CHD6: variants seen among roughly 807,000 people sequenced by gnomAD.
CHD6 encodes the protein chromodomain helicase DNA binding protein 6.
In CHD6, 50 loss-of-function variants were observed where a neutral mutation model predicts 276.9. The observed-to-expected ratio is 0.18, with a 90% confidence interval of 0.14 to 0.23. CHD6 has a LOEUF of 0.23. Ranked by LOEUF, CHD6 falls within the 10% of genes least tolerant of loss-of-function variation. The pLI is 1.00. For missense variants in CHD6, 2,564 were observed against 3,365.8 expected (o/e 0.76, Z 5.89); for synonymous variants, 1,173 against 1,229.3 (o/e 0.95, Z 0.96).
At position 41,413,428 on chromosome 20, in the gene CHD6, T is replaced by C; in HGVS notation, c.7027A>G (p.Thr2343Ala). 3.7e-6 allele frequency: 6 copies of C among 1,612,020 alleles called. No individual in the cohort carries two copies. The highest frequency in any genetic ancestry group is 5.1e-6 in the Non-Finnish European group (6 of 1,179,894). ...GPATSAPEPA[T>A]AASSQAEKSI... ...TTCTCGGCTTGGCTGCTGGCTGCCG[T>C]AGCTGGCTCAGGAGCCGAGGTGGCA... The change falls in exon 35 of 37, where the codon ACG becomes GCG. Residue 2343 changes from threonine (T) to alanine (A), a missense_variant. This residue lies in a region of CHD6 where 1,024 missense variants were observed against 1,047.9 expected (regional missense o/e 0.98). Coordinates refer to ENST00000373233, the MANE Select transcript of CHD6 (RefSeq NM_032221.5).
chr20:41,425,188 C>A lies in CHD6; in HGVS notation c.4336G>T (p.Ala1446Ser), dbSNP rs757654310. 1 of 1,614,162 alleles carries A rather than the reference C, an allele frequency of 6.2e-7. No homozygotes were observed. Among genetic ancestry groups the A allele is most frequent in the South Asian group, 1.1e-5 (1 of 91,080 alleles). ...GCCACTGGCTTTTACCTCTTTTGGGCTTCCTTGTTGATGAGGTCCATTTCT... is the reference window on the plus strand; with the variant it reads ...GCCACTGGCTTTTACCTCTTTTGGGATTCCTTGTTGATGAGGTCCATTTCT... ...TSEMDLINKE[A>S]QKRWTRREQA... The change falls in exon 29 of 37, where the codon GCC (alanine) becomes TCC (serine). Residue 1446 changes from alanine to serine, a missense_variant. Physicochemically the swap from Ala to Ser is moderately conservative, Grantham distance 99 (BLOSUM62 1). Around this residue, in one of 7 missense-constraint regions of CHD6, gnomAD observed 515 missense variants for 739.5 expected, o/e 0.70. Coordinates refer to ENST00000373233, the MANE Select transcript of CHD6 (RefSeq NM_032221.5).
At chr20:41,460,884 G>A (rs1052334959) in intron 17 of CHD6, among the ~76,000 whole-genome samples, 6 of 152,172 alleles carry the variant, frequency 3.9e-5, no homozygotes, top group African/African-American at 1.2e-4. Context: ...TTCGCACTGT[G>A]TGCCTGGAGA....
At chr20:41,602,890 C>T (rs969387163) in intron 1 of CHD6, among the ~76,000 whole-genome samples, 2 of 152,038 alleles carry the variant, frequency 1.3e-5, no homozygotes, top group Non-Finnish European at 2.9e-5. Flanking sequence ...AATATGCTGA[C>T]CAGGCTGGTC....
chr20:41,413,168 T>TA (rs1299999387), intron 35 of CHD6, among the ~76,000 whole-genome samples, 156 bp downstream of exon 35: 1 of 152,202 alleles, frequency 6.6e-6, no homozygotes, highest in Non-Finnish European at 1.5e-5. Flanking sequence ...AATTTAAACT[T>TA]AAAAACAAAA....
At chr20:41,560,157 T>C (rs1037504483) in intron 1 of CHD6, among the ~76,000 whole-genome samples, 9 of 152,184 alleles carry the variant, frequency 5.9e-5, no homozygotes, top group African/African-American at 2.2e-4. Context: ...CCCTCATTGC[T>C]ACCAACAGTA....
Position 41,410,361 on chromosome 20 carries a change from G to C in CHD6, c.7251+1783C>G, listed in dbSNP as rs1293123973. ...GATGATGTGGTATGGGGCCTCACCA[G>C]ATACCCAATCTGTCAGTGCCTTGAC... On this transcript the variant is annotated intron_variant, in intron 36 of 36. Coordinates refer to ENST00000373233, the MANE Select transcript of CHD6 (RefSeq NM_032221.5). Among the ~76,000 whole-genome samples, 7 of 152,174 alleles carry C rather than the reference G, an allele frequency of 4.6e-5. No homozygotes were observed. The East Asian group carries it at 9.6e-4, about 21-fold the overall frequency.
At chr20:41,498,989 T>A (rs1307532903) in intron 6 of CHD6, among the ~76,000 whole-genome samples, 1 of 152,104 alleles carries the variant, frequency 6.6e-6, no homozygotes, top group East Asian at 1.9e-4. Flanking sequence ...TTAGGACTTT[T>A]TGTCCATCTC....
intron 7 of CHD6, chr20:41,497,893 T>G: frequency 2.2e-6 from 1 of 448,426 alleles, no homozygotes; most frequent in Non-Finnish European, 4.0e-6. Flanking sequence ...GCCCAAGGAG[T>G]TTTTAAAAAC....
At chr20:41,446,931 G>C (rs2048087885) in intron 24 of CHD6, among the ~76,000 whole-genome samples, 1 of 152,146 alleles carries the variant, frequency 6.6e-6, no homozygotes, top group African/African-American at 2.4e-5. Context: ...CTTCTGCCAG[G>C]TAACACTTGA....
chr20:41,609,062 A>G (rs2045858719), intron 1 of CHD6, among the ~76,000 whole-genome samples: 1 of 152,186 alleles, frequency 6.6e-6, no homozygotes. Flanking sequence ...GAACCTCCAA[A>G]CCTTTTAAGC....
chr20:41,472,798 T>C (rs1165532165), intron 17 of CHD6, among the ~76,000 whole-genome samples: 1 of 152,146 alleles, frequency 6.6e-6, no homozygotes. Context: ...AACCAGAAAA[T>C]AGAATCCATA....
intron 1 of CHD6, among the ~76,000 whole-genome samples, chr20:41,585,859 GATA>G (rs2146246702): frequency 6.6e-6 from 1 of 152,236 alleles, no homozygotes; most frequent in Non-Finnish European, 1.5e-5. Flanking sequence ...ATATAAAAAA[GATA>G]ATGAGAGACA....
chr20:41,532,062 A>G (rs1223867366), intron 3 of CHD6, among the ~76,000 whole-genome samples: 1 of 152,228 alleles, frequency 6.6e-6, no homozygotes, highest in Non-Finnish European at 1.5e-5. Flanking sequence ...TTCTAAATAT[A>G]AAGTTCTCCA....
At chr20:41,537,333 AT>A (rs1252524102) in intron 2 of CHD6, among the ~76,000 whole-genome samples, 3 of 152,232 alleles carry the variant, frequency 2.0e-5, no homozygotes. Context: ...AAAAATACAT[AT>A]TTAAAAACAA....
intron 4 of CHD6, among the ~76,000 whole-genome samples, chr20:41,513,870 T>C (rs1231982642): frequency 6.6e-6 from 1 of 152,198 alleles, no homozygotes; most frequent in Non-Finnish European, 1.5e-5. Flanking sequence ...AAGTTACCTC[T>C]ATGATGTTTT....
chr20:41,561,875 T>C (rs969296335), intron 1 of CHD6, among the ~76,000 whole-genome samples: 4 of 152,230 alleles, frequency 2.6e-5, no homozygotes, highest in Non-Finnish European at 5.9e-5. Context: ...GGAAAGCTTT[T>C]AGAATCATCT....
At chr20:41,487,332 A>C (rs542437270) in intron 14 of CHD6, among the ~76,000 whole-genome samples, 5 of 152,196 alleles carry the variant, frequency 3.3e-5, no homozygotes, top group Non-Finnish European at 7.4e-5. Flanking sequence ...AGCAAAAGAA[A>C]GCACCATGCT....
chr20:41,405,538 T>C, intron 36 of CHD6, 49 bp from the exon 37 acceptor site: 1 of 1,448,652 alleles, frequency 6.9e-7, no homozygotes. Context: ...GGATGGCAGG[T>C]GGTCAGCTGA....
intron 31 of CHD6, 61 bp downstream of exon 31, chr20:41,420,447 C>G (rs117384282): frequency 0.017 from 25,483 of 1,520,924 alleles, 292 homozygotes; most frequent in South Asian, 0.031. Flanking sequence ...CCCTAAAACC[C>G]AACCCCCCGT....
Sources: gnomAD v4.1 joint callset for allele counts (sites outside exome capture counted in the v4.1 genomes callset) on GRCh38, gnomAD v4.1.1 for gene constraint, gnomAD v4.1.1 regional missense constraint, MANE v1.5 for transcripts, NCBI Gene and HGNC (gene_info 2026-07-23, HGNC 2026-07-21) for gene names.